The following SGCD variants were observed in gnomAD, a reference collection of about 807,000 sequenced individuals.
The protein encoded by SGCD is sarcoglycan delta, also known as delta-sarcoglycan.
A neutral mutation model predicts 36.6 loss-of-function variants in SGCD; 18 were observed. The observed-to-expected ratio is 0.49, with a 90% CI of 0.34 to 0.73. The LOEUF is 0.73. Among genes scored for constraint, SGCD ranks in the 30% least tolerant of loss-of-function variants. SGCD has a pLI of 0.01. For synonymous variants in SGCD, 133 were observed against 130.6 expected, an observed-to-expected ratio of 1.02 and a Z score of -0.12; for missense variants, 387 against 346.7, an observed-to-expected ratio of 1.12 and a Z score of -0.92.
intron 4 of SGCD, among the ~76,000 whole-genome samples, chr5:156,518,832 C>G (rs1158863034): frequency 1.3e-5 from 2 of 152,154 alleles, no homozygotes; most frequent in African/African-American, 4.8e-5. Flanking sequence ...GTACCAGAAT[C>G]TCTGGGATGC....
At chr5:155,899,405 T>C (rs966940829) in intron 1 of SGCD, among the ~76,000 whole-genome samples, 2 of 152,196 alleles carry the variant, frequency 1.3e-5, no homozygotes, top group Non-Finnish European at 2.9e-5. Context: ...CTTTGAGAAA[T>C]TTCACTAACA....
chr5:156,320,873 A>G (rs1767645640), intron 3 of SGCD, among the ~76,000 whole-genome samples: 1 of 152,200 alleles, frequency 6.6e-6, no homozygotes, highest in Non-Finnish European at 1.5e-5. Flanking sequence ...GCCCTTGGCC[A>G]TGGAAAAATA....
chr5:156,702,511 C>A lies in SGCD; in HGVS notation c.575+54975C>A, dbSNP rs1242582002. ...GTACTGAAACTCATCCTAATAAAAC[C>A]AAAACCAAAAGAATCTAACTTTCTT... On this transcript the variant is annotated intron_variant, in intron 7 of 8. Coordinates refer to ENST00000337851, the MANE Select transcript of SGCD (RefSeq NM_000337.6). Among the ~76,000 whole-genome samples, 3 of 151,970 alleles carry A rather than the reference C, an allele frequency of 2.0e-5. No individual in the cohort carries two copies. In the East Asian group the frequency reaches 5.8e-4, roughly 29 times the overall value.
the SGCD span, among the ~76,000 whole-genome samples, chr5:155,767,794 C>T: frequency 1.6e-4 from 24 of 152,288 alleles, no homozygotes; most frequent in South Asian, 4.1e-3. Flanking sequence ...TACTAAGCCA[C>T]GTGTGCTGTT....
intron 4 of SGCD, among the ~76,000 whole-genome samples, chr5:156,554,384 G>A (rs1758923292): frequency 6.6e-6 from 1 of 151,024 alleles, no homozygotes; most frequent in Non-Finnish European, 1.5e-5. Flanking sequence ...TTTGAAAGAG[G>A]GGTACCATGT....
intron 1 of SGCD, among the ~76,000 whole-genome samples, chr5:156,097,345 C>A (rs1761404747): frequency 6.6e-6 from 1 of 152,046 alleles, no homozygotes; most frequent in African/African-American, 2.4e-5. Context: ...AAAATTGAAT[C>A]TTTTATTAGC....
intron 3 of SGCD, among the ~76,000 whole-genome samples, chr5:156,352,872 C>G (rs759861335): frequency 1.6e-4 from 25 of 152,176 alleles, no homozygotes; most frequent in Non-Finnish European, 2.8e-4. Context: ...GGGAGTCTGG[C>G]TCTACAGTCA....
chr5:156,228,366 G>A (rs1764909656), intron 3 of SGCD, among the ~76,000 whole-genome samples: 1 of 151,936 alleles, frequency 6.6e-6, no homozygotes, highest in African/African-American at 2.4e-5. Flanking sequence ...TTTTCCTGTT[G>A]GGCAATGCCT....
intron 1 of SGCD, among the ~76,000 whole-genome samples, chr5:155,938,825 A>G (rs1194301607): frequency 1.3e-5 from 2 of 152,236 alleles, no homozygotes; most frequent in African/African-American, 2.4e-5. Flanking sequence ...CATTTCACAG[A>G]TAAGACAACT....
chr5:156,589,395 A>G, intron 5 of SGCD, 77 bp downstream of exon 5: 1 of 751,382 alleles, frequency 1.3e-6, no homozygotes, highest in Admixed American at 2.3e-5. Flanking sequence ...CAAAGGAAAC[A>G]CCATATGAAC....
intron 1 of SGCD, among the ~76,000 whole-genome samples, chr5:155,956,755 G>A: frequency 6.6e-6 from 1 of 150,982 alleles, no homozygotes. Context: ...CATTGTGTGT[G>A]TCTTCTCTTC....
chr5:156,222,490 T>C (rs1764740767), intron 3 of SGCD, among the ~76,000 whole-genome samples: 1 of 152,164 alleles, frequency 6.6e-6, no homozygotes, highest in Non-Finnish European at 1.5e-5. Flanking sequence ...GCGATTATAC[T>C]GTGTTTAGTG....
chr5:156,312,579 T>G (rs1342560776), intron 3 of SGCD, among the ~76,000 whole-genome samples: 1 of 152,160 alleles, frequency 6.6e-6, no homozygotes, highest in Non-Finnish European at 1.5e-5. Flanking sequence ...GCATAGCAAT[T>G]AAGGACACAG....
rs144116883 is a variant in SGCD, at chr5:156,633,833, A to T, written c.503-13631A>T. Among the ~76,000 whole-genome samples, 91 of 152,322 alleles carry T rather than the reference A, an allele frequency of 6.0e-4. 4 individuals are homozygous for T. The East Asian group carries it at 9.1e-3, about 15-fold the overall frequency. ...GCCTGCTGCTCTTTGGTCAGTTAAGATCATCTCTGATAATTTCATTTCCCT... is the reference window on the plus strand; with the variant it reads ...GCCTGCTGCTCTTTGGTCAGTTAAGTTCATCTCTGATAATTTCATTTCCCT... On this transcript the variant is annotated intron_variant, in intron 6 of 8. Transcript: ENST00000337851.
chr5:155,912,353 G>A (rs150412729), intron 1 of SGCD, among the ~76,000 whole-genome samples: 11 of 152,202 alleles, frequency 7.2e-5, no homozygotes, highest in East Asian at 1.9e-4. Context: ...CCTTCAAAGC[G>A]TTTCTTGTGC....
chr5:155,878,660 TC>T (rs1755815200), intron 1 of SGCD, among the ~76,000 whole-genome samples: 1 of 152,090 alleles, frequency 6.6e-6, no homozygotes, highest in South Asian at 2.1e-4. Context: ...ATTGGGATTC[TC>T]TTAGCAAGGA....
chr5:156,584,485 A>T (rs1207026039), intron 4 of SGCD, among the ~76,000 whole-genome samples: 1 of 152,200 alleles, frequency 6.6e-6, no homozygotes, highest in Non-Finnish European at 1.5e-5. Context: ...TGAAAATGTT[A>T]ATACAGTGGA....
At chr5:156,307,552 GTTGTTTTTTTT>G (rs1767252895) in intron 3 of SGCD, among the ~76,000 whole-genome samples, 2 of 48,444 alleles carry the variant, frequency 4.1e-5, no homozygotes, top group South Asian at 7.8e-4. Context: ...CATTTTAACT[GTTGTTTTTTTT>G]TTTTTTTTTT....
the SGCD span, among the ~76,000 whole-genome samples, chr5:155,791,892 G>T: frequency 6.6e-5 from 10 of 152,026 alleles, no homozygotes; most frequent in Non-Finnish European, 1.2e-4. Context: ...ATTTTTCACA[G>T]AATTAGAAAA....
Sources: gnomAD v4.1 joint callset for allele counts (sites outside exome capture counted in the v4.1 genomes callset) on GRCh38, gnomAD v4.1.1 for gene constraint, MANE v1.5 for transcripts, NCBI Gene and HGNC (gene_info 2026-07-23, HGNC 2026-07-21) for gene names.